Variants in CDR2 observed in about 807,000 individuals in gnomAD.
CDR2 encodes cerebellar degeneration related protein 2, also known as cerebellar degeneration-related protein 2.
CDR2 carries 34 observed loss-of-function variants against 48.4 expected under a neutral mutation model. The ratio of observed to expected loss-of-function variants is 0.70; its 90% CI spans 0.53 to 0.94. The LOEUF is 0.94. CDR2 is among the 40% of genes least tolerant of loss of function. The pLI, the probability that CDR2 is intolerant of heterozygous loss-of-function variation, is 0.00. For synonymous variants in CDR2, 240 were observed against 219.7 expected (o/e 1.09, Z -0.82); for missense variants, 498 against 549.5 (o/e 0.91, Z 0.94).
chr16:22,356,803 G>A (rs1370485268), intron 2 of CDR2, among the ~76,000 whole-genome samples: 2 of 151,696 alleles, frequency 1.3e-5, no homozygotes, highest in Admixed American at 1.3e-4. Flanking sequence ...AGGCAAGGTA[G>A]TGTATGCCTG....
intron 4 of CDR2, among the ~76,000 whole-genome samples, chr16:22,348,266 A>G (rs1376456872): frequency 6.6e-6 from 1 of 152,178 alleles, no homozygotes; most frequent in Non-Finnish European, 1.5e-5. Flanking sequence ...CCACACTTGG[A>G]GCAGTGGCTA....
intron 2 of CDR2, among the ~76,000 whole-genome samples, chr16:22,350,646 A>G (rs907167129): frequency 3.3e-5 from 5 of 152,212 alleles, no homozygotes; most frequent in Admixed American, 1.3e-4. Flanking sequence ...CCCTGTCTTC[A>G]TAAGAAATGA....
intron 2 of CDR2, among the ~76,000 whole-genome samples, chr16:22,354,577 T>C (rs760111948): frequency 1.3e-5 from 2 of 152,190 alleles, no homozygotes; most frequent in African/African-American, 2.4e-5. Flanking sequence ...GCTAATCTTA[T>C]CCACTGCATT....
rs2048916990 is a variant in CDR2 at position 22,347,751 on chromosome 16, C to T, written c.579G>A (p.Glu193=). 2 of 1,613,992 alleles carry T rather than the reference C, an allele frequency of 1.2e-6. No individual in the cohort carries two copies. Among genetic ancestry groups the T allele is most frequent in the African/African-American group, 2.7e-5 (2 of 74,910 alleles). The change falls in exon 5 of 5, where the codon GAG becomes GAA. Residue 193 remains glutamate, a synonymous_variant. Transcript: ENST00000268383. ...SLQGQPSPDE[E]ENEHLKKTVT... ...CTGTTTTTTTCAAGTGCTCATTTTC[C>T]TCTTCATCAGGGCTTGGCTGACCTT... is the stretch of plus-strand genomic sequence containing the variant.
chr16:22,363,356 T>C (rs528718757), intron 2 of CDR2, among the ~76,000 whole-genome samples: 30 of 152,348 alleles, frequency 2.0e-4, no homozygotes, highest in African/African-American at 7.2e-4. Flanking sequence ...CATACTTTCC[T>C]AGAATTATAA....
intron 3 of CDR2, 45 bp from the exon 4 acceptor site, chr16:22,349,488 C>A: frequency 6.2e-7 from 1 of 1,609,210 alleles, no homozygotes; most frequent in South Asian, 1.1e-5. Flanking sequence ...CATATTGAAT[C>A]AAGGGCAAAA....
intron 4 of CDR2, 60 bp downstream of exon 4, chr16:22,349,219 G>C (rs1475732934): frequency 1.3e-6 from 2 of 1,551,966 alleles, no homozygotes; most frequent in African/African-American, 2.7e-5. Context: ...CTGGAAATCA[G>C]AATGTGCCAA....
Position 22,360,149 on chromosome 16 carries a change from C to T in CDR2, c.192+4753G>A, listed in dbSNP as rs539091808. On this transcript the variant is annotated intron_variant, in intron 2 of 4. Transcript: ENST00000268383. ...AACACAAGGCTGTAGGCTGCTTACA[C>T]GGTTGTAGCAAAGTGTAAATGAATC... Among the ~76,000 whole-genome samples the T allele has an allele frequency of 1.6e-3, 239 of 152,264 alleles. 1 individual carries two copies. The highest frequency in any genetic ancestry group is 2.5e-3 in the Non-Finnish European group (172 of 68,016).
intron 4 of CDR2, among the ~76,000 whole-genome samples, chr16:22,348,216 C>T (rs149895725): frequency 6.6e-5 from 10 of 152,098 alleles, no homozygotes; most frequent in Non-Finnish European, 1.0e-4. Flanking sequence ...GGATTACAGA[C>T]GTAAGCCACC....
At chr16:22,373,020 A>G (rs1312452004) in intron 1 of CDR2, among the ~76,000 whole-genome samples, 1 of 152,168 alleles carries the variant, frequency 6.6e-6, no homozygotes, top group Non-Finnish European at 1.5e-5. Context: ...ATTCCTGAGG[A>G]TTGTTCAGTA....
chr16:22,347,094 G>A lies in CDR2; in HGVS notation c.1236C>T (p.Pro412=), dbSNP rs141072275. ...CTGGAGGTGTTGTAGGGGAACTCAC[G>A]GGCTCTGGGTTGACAGAGGCCAGTT... is the stretch of plus-strand genomic sequence containing the variant. ...GWELASVNPE[P]VSSPTTPPEY... is the part of the protein sequence containing the mutation. Residue 412 remains proline, a synonymous_variant, in exon 5 of 5, where the codon CCC becomes CCT. Transcript: ENST00000268383. 2,673 of 1,614,174 alleles carry A rather than the reference G, an allele frequency of 1.7e-3. 6 individuals carry two copies. The highest frequency in any genetic ancestry group is 2.0e-3 in the Non-Finnish European group (2,385 of 1,180,016).
At chr16:22,358,323 G>A (rs2048989515) in intron 2 of CDR2, among the ~76,000 whole-genome samples, 1 of 152,148 alleles carries the variant, frequency 6.6e-6, no homozygotes, top group Admixed American at 6.5e-5. Flanking sequence ...GGGGTCATGG[G>A]GTAGCAGAAA....
In CDR2 at chr16:22,346,650, T is replaced by C. The variant is rs1567342516; in HGVS notation, c.*315A>G. On this transcript the variant is annotated 3_prime_UTR_variant, in exon 5 of 5. Transcript: ENST00000268383. ...AACTCGACCCTTTTCCCCCATACTG[T>C]AGTAACTCCAGGCCTACTTCTCCAG... 3.1e-6 allele frequency: 1 copy of C among 324,882 alleles called. No homozygotes were observed. Among genetic ancestry groups the C allele is most frequent in the Non-Finnish European group, 5.7e-6 (1 of 176,162 alleles). 20.1% of individuals were successfully genotyped at this position (324,882 alleles called of 1,614,324 possible).
At chr16:22,348,073 G>A (rs1324007335) in intron 4 of CDR2, among the ~76,000 whole-genome samples, 1 of 152,160 alleles carries the variant, frequency 6.6e-6, no homozygotes, top group Non-Finnish European at 1.5e-5. Context: ...GAGTAACTGG[G>A]ATTTTAGACA....
chr16:22,358,596 A>C (rs769071169), intron 2 of CDR2, among the ~76,000 whole-genome samples: 1 of 152,200 alleles, frequency 6.6e-6, no homozygotes, highest in Non-Finnish European at 1.5e-5. Context: ...AATGCATAGA[A>C]ATGGAGTGGA....
At chr16:22,368,429 C>T (rs1385171926) in intron 1 of CDR2, among the ~76,000 whole-genome samples, 3 of 152,168 alleles carry the variant, frequency 2.0e-5, no homozygotes, top group African/African-American at 7.2e-5. Context: ...AGGCTGGTCT[C>T]GAAATCCTGA....
At chr16:22,363,412 C>T (rs750984856) in intron 2 of CDR2, among the ~76,000 whole-genome samples, 7 of 152,168 alleles carry the variant, frequency 4.6e-5, no homozygotes, top group African/African-American at 7.2e-5. Context: ...CTACTGTATA[C>T]ACCTTTTATG....
Position 22,347,532 on chromosome 16 carries a change from T to G in CDR2, c.798A>C (p.Pro266=). ...EMRQMLQSEH[P]FVNGVEKLVP... ...CCAGCTTCTCAACTCCATTCACAAA[T>G]GGATGCTCTGACTGCAACATCTGTC... Residue 266 remains proline (P), a synonymous_variant, in exon 5 of 5, where the codon CCA becomes CCC. Transcript: ENST00000268383. 1.9e-6 allele frequency: 3 copies of G among 1,614,158 alleles called. No homozygotes were observed. The highest frequency in any genetic ancestry group is 2.5e-6 in the Non-Finnish European group (3 of 1,180,042).
chr16:22,365,698 G>A (rs575886666), intron 1 of CDR2, among the ~76,000 whole-genome samples: 2 of 152,166 alleles, frequency 1.3e-5, no homozygotes, highest in East Asian at 1.9e-4. Flanking sequence ...TCTATTCTTA[G>A]GTATAATGCC....
Sources: allele counts gnomAD v4.1 joint callset (sites outside exome capture counted in the v4.1 genomes callset), GRCh38; gene constraint gnomAD v4.1.1; transcripts MANE v1.5; gene names NCBI Gene and HGNC (gene_info 2026-07-23, HGNC 2026-07-21).